The following PDE3B variants were observed in gnomAD, a reference collection of about 807,000 sequenced individuals.
PDE3B encodes phosphodiesterase 3B.
In PDE3B, 66 loss-of-function variants were observed where a neutral mutation model predicts 116.8. That is an observed-to-expected ratio of 0.56 (90% confidence interval 0.46 to 0.69). The LOEUF (loss-of-function observed/expected upper bound fraction) is 0.69, where lower values mean the gene tolerates loss of function less well. PDE3B is among the 30% of genes least tolerant of loss of function. The pLI, the probability that PDE3B is intolerant of heterozygous loss-of-function variation, is 0.00. For missense variants in PDE3B, 1,384 were observed against 1,368.1 expected (o/e 1.01, Z -0.18); for synonymous variants, 595 against 533.6 (o/e 1.12, Z -1.59).
the PDE3B span, chr11:14,879,402 C>A: frequency 6.2e-7 from 1 of 1,606,562 alleles, no homozygotes; most frequent in Middle Eastern, 1.7e-4. Flanking sequence ...GAAGGCTTCC[C>A]ATTAGGGCCC....
intron 1 of PDE3B, among the ~76,000 whole-genome samples, chr11:14,767,869 T>C (rs971690365): frequency 6.6e-6 from 1 of 151,380 alleles, no homozygotes; most frequent in Non-Finnish European, 1.5e-5. Context: ...TTTCCTAGTT[T>C]AAAATTTTAT....
chr11:14,890,911 C>G, the PDE3B span: 1 of 985,434 alleles, frequency 1.0e-6, no homozygotes, highest in Non-Finnish European at 1.2e-6. Flanking sequence ...TGAAATACCA[C>G]AGTTGCCAAA....
chr11:14,795,803 A>G (rs916453509), intron 4 of PDE3B, among the ~76,000 whole-genome samples: 6 of 152,118 alleles, frequency 3.9e-5, no homozygotes, highest in Admixed American at 2.0e-4. Context: ...TGTGAATGAT[A>G]TGGACAAGAA....
intron 4 of PDE3B, among the ~76,000 whole-genome samples, chr11:14,800,861 A>G (rs1031812070): frequency 5.9e-5 from 9 of 151,846 alleles, no homozygotes; most frequent in Non-Finnish European, 1.3e-4. Flanking sequence ...ATTTCTTTTT[A>G]TTCTTTTTTC....
Position 14,726,770 on chromosome 11 carries a change from G to A in PDE3B, c.979-45167G>A, listed in dbSNP as rs532658503. On this transcript the variant is annotated intron_variant, in intron 1 of 15. Coordinates refer to ENST00000282096, the MANE Select transcript of PDE3B (RefSeq NM_000922.4). ...GATTTGCAAAGATGAAGATTGTTTT[G>A]TGGCTTTTAAGAGTTATTTCAGTGG... Among the ~76,000 whole-genome samples the A allele has an allele frequency of 2.6e-5, 4 of 152,272 alleles. No homozygotes were observed. The East Asian group carries it at 7.7e-4, about 29-fold the overall frequency.
Position 14,819,215 on chromosome 11 carries a change from A to G in PDE3B, c.1807+6A>G. 3 of 1,557,912 alleles carry G rather than the reference A, an allele frequency of 1.9e-6. No homozygotes were observed. ...TTGCTGCAGTGGAAAATCAGGTGAG[A>G]TTACAAAAGTCATATGTATTTGAGT... On this transcript the variant is annotated splice_donor_region_variant and intron_variant, in intron 7 of 15. Transcript: ENST00000282096.
intron 1 of PDE3B, among the ~76,000 whole-genome samples, chr11:14,724,940 G>A (rs1008897067): frequency 2.0e-5 from 3 of 152,148 alleles, no homozygotes; most frequent in African/African-American, 7.2e-5. Context: ...ATATAGCAGG[G>A]ATAAGATAGT....
chr11:14,699,000 C>G (rs928886409), intron 1 of PDE3B: 13 of 151,898 alleles, frequency 8.6e-5, no homozygotes, highest in African/African-American at 3.1e-4. Context: ...AATCTTACTT[C>G]CTGTCGGTCT....
chr11:14,892,934 C>T, the PDE3B span, among the ~76,000 whole-genome samples: 1 of 152,224 alleles, frequency 6.6e-6, no homozygotes, highest in East Asian at 1.9e-4. Context: ...TCTGCCTCCA[C>T]TGCCTGGAAT....
At chr11:14,855,765 T>C (rs984935537) in intron 12 of PDE3B, among the ~76,000 whole-genome samples, 8 of 151,372 alleles carry the variant, frequency 5.3e-5, no homozygotes, top group Non-Finnish European at 1.2e-4. Flanking sequence ...TGAGAGGAGA[T>C]AGGAAGTGCT....
intron 13 of PDE3B, 129 bp from the exon 14 acceptor site, chr11:14,861,076 C>A (rs1400514880): frequency 6.3e-6 from 4 of 636,396 alleles, no homozygotes; most frequent in Non-Finnish European, 1.1e-5. Flanking sequence ...TTAAAAAGAA[C>A]TATTTGCTGA....
At chr11:14,885,952 C>A in the PDE3B span, 1 of 1,601,830 alleles carries the variant, frequency 6.2e-7, no homozygotes. Context: ...ATTTAAATGA[C>A]AGCATGTATG....
chr11:14,897,389 T>C, the PDE3B span, among the ~76,000 whole-genome samples: 2 of 152,186 alleles, frequency 1.3e-5, no homozygotes, highest in African/African-American at 4.8e-5. Flanking sequence ...TACAGGTCAA[T>C]GCCCTCAGAG....
At chr11:14,760,289 A>G (rs991661724) in intron 1 of PDE3B, among the ~76,000 whole-genome samples, 41 of 152,186 alleles carry the variant, frequency 2.7e-4, no homozygotes, top group African/African-American at 2.4e-5. Context: ...TTCTATAACC[A>G]AAATTTCAAA....
In PDE3B at chr11:14,870,828, T is replaced by C. The variant is rs887707943; in HGVS notation, c.*1168T>C. On this transcript the variant is annotated 3_prime_UTR_variant, in exon 16 of 16. Transcript: ENST00000282096. The surrounding 1 kb of genome is among the most constrained non-coding windows in gnomAD (Gnocchi z 4.1). ...GGAATACTTATTTTTCATATAAAAA[T>C]CTAAATGTGTTAATAAATCATTTCA... The C allele has an allele frequency of 1.3e-5, 2 of 152,206 alleles. No individual in the cohort carries two copies. The highest frequency in any genetic ancestry group is 2.9e-5 in the Non-Finnish European group (2 of 68,018). 9.4% of individuals were successfully genotyped at this position (152,206 alleles called of 1,614,324 possible).
At chr11:14,802,088 A>G (rs1057258324) in intron 4 of PDE3B, among the ~76,000 whole-genome samples, 15 of 152,230 alleles carry the variant, frequency 9.9e-5, no homozygotes, top group African/African-American at 3.1e-4. Flanking sequence ...TGAGATCTGC[A>G]GAGCCAGACC....
chr11:14,696,996 G>C (rs1855225607), intron 1 of PDE3B, among the ~76,000 whole-genome samples: 1 of 151,978 alleles, frequency 6.6e-6, no homozygotes, highest in South Asian at 2.1e-4. Context: ...GAGTGCAGTG[G>C]TGCAAATATA....
chr11:14,845,652 A>C (rs1249211164), intron 12 of PDE3B, among the ~76,000 whole-genome samples: 2 of 152,236 alleles, frequency 1.3e-5, no homozygotes, highest in African/African-American at 4.8e-5. Context: ...AAAGGAGCTG[A>C]TGGAGCTGAA....
chr11:14,766,599 T>C (rs1857504416), intron 1 of PDE3B, among the ~76,000 whole-genome samples: 1 of 151,744 alleles, frequency 6.6e-6, no homozygotes, highest in African/African-American at 2.4e-5. Context: ...TTTACATTTA[T>C]GCTATTTCTT....
Sources: gnomAD v4.1 joint callset for allele counts (sites outside exome capture counted in the v4.1 genomes callset) on GRCh38, gnomAD v4.1.1 for gene constraint, Gnocchi (gnomAD v3.1) non-coding constraint, MANE v1.5 for transcripts, NCBI Gene and HGNC (gene_info 2026-07-23, HGNC 2026-07-21) for gene names.